ATF3: variants seen among roughly 807,000 people sequenced by gnomAD.
ATF3 encodes activating transcription factor 3.
A neutral mutation model predicts 18.4 loss-of-function variants in ATF3; 10 were observed. The ratio of observed to expected loss-of-function variants is 0.54; its 90% CI spans 0.34 to 0.92. The LOEUF (loss-of-function observed/expected upper bound fraction) is 0.92. Among genes scored for constraint, ATF3 ranks in the 40% least tolerant of loss-of-function variants. The pLI, the probability that ATF3 is intolerant of heterozygous loss-of-function variation, is 0.02. For synonymous variants in ATF3, 78 were observed against 87.9 expected (o/e 0.89, Z 0.63); for missense variants, 183 against 222.3 (o/e 0.82, Z 1.12).
At chr1:212,579,972 G>A (rs188627193) in intron 1 of ATF3, among the ~76,000 whole-genome samples, 3,213 of 150,232 alleles carry the variant, frequency 0.021, 112 homozygotes, top group African/African-American at 0.072. Context: ...GTGAAACCCC[G>A]TCTCTACTAA....
At chr1:212,589,598 C>T (rs947663733) in intron 1 of ATF3, among the ~76,000 whole-genome samples, 7 of 151,678 alleles carry the variant, frequency 4.6e-5, no homozygotes, top group African/African-American at 1.7e-4. Flanking sequence ...AGGAGAATCG[C>T]TTGACCCCAG....
upstream of ATF3, among the ~76,000 whole-genome samples, chr1:212,607,894 A>T (rs1039370407): frequency 2.0e-5 from 3 of 148,246 alleles, no homozygotes; most frequent in African/African-American, 7.8e-5. Context: ...TCAATTTCAA[A>T]CGCTTTGTGA....
chr1:212,584,666 C>T (rs138326127), intron 1 of ATF3, among the ~76,000 whole-genome samples: 82 of 152,342 alleles, frequency 5.4e-4, no homozygotes, highest in African/African-American at 1.9e-3. Flanking sequence ...CTCACAGAAA[C>T]ACCCAGAATC....
chr1:212,613,792 A>G (rs548488725), intron 1 of ATF3: 1 of 152,492 alleles, frequency 6.6e-6, no homozygotes, highest in Non-Finnish European at 1.5e-5. Flanking sequence ...GAGGGAGTAC[A>G]CAGCAGGCCA....
chr1:212,606,564 A>G (rs1426740182), upstream of ATF3, among the ~76,000 whole-genome samples: 2 of 152,032 alleles, frequency 1.3e-5, no homozygotes, highest in Non-Finnish European at 2.9e-5. Flanking sequence ...TTTCCCCTTA[A>G]GGACAGGAGC....
At position 212,590,147 on chromosome 1, in the gene ATF3, A is replaced by G. The variant is rs148793626; in HGVS notation, c.-5+24664A>G. 7.8e-3 allele frequency among the ~76,000 whole-genome samples: 1,183 copies of G among 152,192 alleles called. 16 individuals are homozygous for G. The highest frequency in any genetic ancestry group is 0.026 in the African/African-American group (1,064 of 41,512). On this transcript the variant is annotated intron_variant, in intron 1 of 3. Transcript: ENST00000366981. ...AAAGACATGCTTTTATTTTTTTGTAAAACAATATAGGAACTGTGTCTACAA... is the reference window on the plus strand; with the variant it reads ...AAAGACATGCTTTTATTTTTTTGTAGAACAATATAGGAACTGTGTCTACAA...
chr1:212,590,943 T>A (rs1188851236), intron 1 of ATF3, among the ~76,000 whole-genome samples: 3 of 152,340 alleles, frequency 2.0e-5, no homozygotes, highest in Admixed American at 6.5e-5. Context: ...ATGTGCCTGG[T>A]TTCTTGTGCA....
chr1:212,614,907 G>A, intron 1 of ATF3, 111 bp from the exon 2 acceptor site: 2 of 1,596,480 alleles, frequency 1.3e-6, no homozygotes, highest in East Asian at 2.2e-5. Context: ...AGGGCTTATG[G>A]GACTTTTCTC....
At chr1:212,565,860 T>A (rs1192449306) in intron 1 of ATF3, among the ~76,000 whole-genome samples, 2 of 152,184 alleles carry the variant, frequency 1.3e-5, no homozygotes, top group African/African-American at 4.8e-5. Context: ...GTCAGTGCTG[T>A]AGTCAATGTA....
chr1:212,587,161 A>G (rs958136091), intron 1 of ATF3, among the ~76,000 whole-genome samples: 1 of 152,228 alleles, frequency 6.6e-6, no homozygotes, highest in Non-Finnish European at 1.5e-5. Flanking sequence ...AAGCTAAAAA[A>G]TAGAGGAAAG....
At chr1:212,603,862 G>T (rs1427760187), upstream of ATF3, among the ~76,000 whole-genome samples, 1 of 151,826 alleles carries the variant, frequency 6.6e-6, no homozygotes, top group Admixed American at 6.6e-5. Flanking sequence ...TAAGAAGAAA[G>T]ACCATATACC....
rs1458201158 is a variant in ATF3 at position 212,619,568 on chromosome 1, T to A, written c.*13T>A. 1 of 1,613,562 alleles carries A rather than the reference T, an allele frequency of 6.2e-7. No individual in the cohort carries two copies. Among genetic ancestry groups the A allele is most frequent in the Admixed American group, 1.7e-5 (1 of 59,968 alleles). On this transcript the variant is annotated 3_prime_UTR_variant, in exon 4 of 4. Transcript: ENST00000341491. The surrounding 1 kb of genome is among the most constrained non-coding windows in gnomAD (Gnocchi z 4.4). ...ATTGCAGAGCTAAGCAGTCGTGGTA[T>A]GGGGGCGACTGGGGAGTCCTCATTG... is the stretch of plus-strand genomic sequence containing the variant.
chr1:212,599,118 G>C (rs2102640199), intron 1 of ATF3, among the ~76,000 whole-genome samples: 1 of 152,282 alleles, frequency 6.6e-6, no homozygotes, highest in East Asian at 1.9e-4. Flanking sequence ...ATCCTCACCA[G>C]CATTTGTTAT....
intron 1 of ATF3, among the ~76,000 whole-genome samples, chr1:212,576,401 A>T (rs1178413637): frequency 1.3e-5 from 2 of 151,858 alleles, no homozygotes; most frequent in Non-Finnish European, 2.9e-5. Context: ...TTTGTGTTTT[A>T]TTCATCTTCC....
At chr1:212,612,004 A>T (rs761905156) in intron 1 of ATF3, among the ~76,000 whole-genome samples, 14 of 152,204 alleles carry the variant, frequency 9.2e-5, no homozygotes, top group Admixed American at 2.6e-4. Flanking sequence ...GTGAAGATTT[A>T]ACTTCATTTC....
intron 1 of ATF3, among the ~76,000 whole-genome samples, chr1:212,599,370 C>T (rs959813603): frequency 2.6e-5 from 4 of 152,164 alleles, no homozygotes; most frequent in African/African-American, 9.7e-5. Context: ...TTCTGGTCTT[C>T]ATTAATCACT....
intron 1 of ATF3, among the ~76,000 whole-genome samples, chr1:212,574,249 A>G (rs1366693445): frequency 6.6e-6 from 1 of 151,716 alleles, no homozygotes; most frequent in Non-Finnish European, 1.5e-5. Flanking sequence ...ATACCTTTTG[A>G]TATATTGTGC....
intron 1 of ATF3, among the ~76,000 whole-genome samples, chr1:212,612,934 A>G (rs1654956319): frequency 6.6e-6 from 1 of 152,110 alleles, no homozygotes; most frequent in Non-Finnish European, 1.5e-5. Context: ...TGGCCAAAGA[A>G]TGTTTTCCAG....
chr1:212,606,479 C>A (rs1654626521), upstream of ATF3, among the ~76,000 whole-genome samples: 1 of 152,212 alleles, frequency 6.6e-6, no homozygotes, highest in Non-Finnish European at 1.5e-5. Context: ...TCTCCCCCCA[C>A]CCCAATTATC....
Sources: gnomAD v4.1 joint callset for allele counts (sites outside exome capture counted in the v4.1 genomes callset) on GRCh38, gnomAD v4.1.1 for gene constraint, Gnocchi (gnomAD v3.1) non-coding constraint, MANE v1.5 for transcripts, NCBI Gene and HGNC (gene_info 2026-07-23, HGNC 2026-07-21) for gene names.